RNF123: variants seen among roughly 807,000 people sequenced by gnomAD.
RNF123 encodes the protein E3 ubiquitin-protein ligase RNF123.
RNF123 carries 86 observed loss-of-function variants against 168.5 expected under a neutral mutation model. The ratio of observed to expected loss-of-function variants is 0.51; its 90% CI spans 0.43 to 0.61. The LOEUF is 0.61. Ranked by LOEUF, RNF123 falls within the 20% of genes least tolerant of loss-of-function variation. RNF123 has a pLI of 0.00. For synonymous variants in RNF123, 666 were observed against 689.1 expected, an observed-to-expected ratio of 0.97 and a Z score of 0.52; for missense variants, 1,419 against 1,729.7, an observed-to-expected ratio of 0.82 and a Z score of 3.19.
intron 25 of RNF123, 103 bp from the exon 26 acceptor site, chr3:49,706,688 T>A (rs1268051989): frequency 1.8e-5 from 18 of 977,380 alleles, no homozygotes; most frequent in Middle Eastern, 2.1e-4. Context: ...ATCCCTTGCC[T>A]GCTCCAGGCA....
At chr3:49,702,851 C>A in intron 20 of RNF123, 98 bp downstream of exon 20, 2 of 1,556,892 alleles carry the variant, frequency 1.3e-6, no homozygotes, top group South Asian at 1.2e-5. Context: ...AGGCTGTGGG[C>A]TGTGGGGAGT....
chr3:49,694,569 G>C (rs1439293208), intron 3 of RNF123, among the ~76,000 whole-genome samples: 1 of 152,222 alleles, frequency 6.6e-6, no homozygotes, highest in Non-Finnish European at 1.5e-5. Context: ...ACTGTTGCCA[G>C]ATTACTTCTT....
intron 26 of RNF123, among the ~76,000 whole-genome samples, chr3:49,710,019 T>G (rs751444315): frequency 2.0e-5 from 3 of 151,792 alleles, no homozygotes; most frequent in Non-Finnish European, 4.4e-5. Context: ...TTTTTTTTCT[T>G]GGTAGACGCA....
At chr3:49,716,327 G>A in intron 34 of RNF123, 66 bp from the exon 35 acceptor site, 2 of 1,567,734 alleles carry the variant, frequency 1.3e-6, no homozygotes, top group Non-Finnish European at 8.8e-7. Flanking sequence ...AGGGCAGTGG[G>A]CAGGCCTGGA....
chr3:49,689,587 C>G lies in RNF123; in HGVS notation c.-56C>G, dbSNP rs1350598721. ...GTTGGGCGGATGTTGTGAGCCGGGT[C>G]GCTGCGGCCGAGGCTCCGGGTGAGT... is the stretch of plus-strand genomic sequence containing the variant. On this transcript the variant is annotated 5_prime_UTR_variant, in exon 1 of 39. Coordinates refer to ENST00000327697, the MANE Select transcript of RNF123 (RefSeq NM_022064.5). The G allele has an allele frequency of 2.0e-5, 3 of 152,530 alleles. No individual in the cohort carries two copies. The highest frequency in any genetic ancestry group is 4.8e-5 in the African/African-American group (2 of 41,472). The allele number at this position is 152,530 out of a possible 1,614,324, so 9.4% of individuals were successfully genotyped here. A position where few individuals can be genotyped will look rare whatever the true frequency, so the allele number is the denominator to read the frequency against.
At chr3:49,692,623 C>G (rs1259498147) in intron 3 of RNF123, among the ~76,000 whole-genome samples, 6 of 152,218 alleles carry the variant, frequency 3.9e-5, no homozygotes, top group Non-Finnish European at 8.8e-5. Flanking sequence ...CCCACAAGCC[C>G]TATACTACCC....
intron 27 of RNF123, 84 bp from the exon 28 acceptor site, chr3:49,713,429 T>TA: frequency 7.4e-7 from 1 of 1,352,680 alleles, no homozygotes. Flanking sequence ...TAGAGCCTGC[T>TA]ACCCAAGTCC....
chr3:49,718,731 A>G, intron 35 of RNF123: 11 of 1,613,038 alleles, frequency 6.8e-6, no homozygotes, highest in Non-Finnish European at 8.5e-6. Context: ...ACTCGCGCGC[A>G]AAGTCGCGCA....
At chr3:49,697,037 G>T in intron 3 of RNF123, 106 bp from the exon 4 acceptor site, 1 of 933,030 alleles carries the variant, frequency 1.1e-6, no homozygotes, top group South Asian at 1.4e-5. Flanking sequence ...CCTTTTTCTG[G>T]AGTCTAGGCA....
intron 19 of RNF123, 32 bp downstream of exon 19, chr3:49,702,437 TC>T: frequency 6.2e-7 from 1 of 1,611,862 alleles, no homozygotes; most frequent in Non-Finnish European, 8.5e-7. Context: ...CCACTGTGGA[TC>T]CCCGGCTGCA....
chr3:49,702,123 G>A lies in RNF123; in HGVS notation c.1536G>A (p.Leu512=), dbSNP rs1296132711. ...ELQVQILKLL[L]DNKDDNGGEA... is the part of the protein sequence containing the mutation. ...AGGTCCAGATCCTGAAGCTGCTGCT[G>A]GACAATAAAGATGACAATGGGGTGA... Residue 512 remains leucine, a synonymous_variant, in exon 18 of 39, where the codon CTG becomes CTA. Coordinates refer to ENST00000327697, the MANE Select transcript of RNF123 (RefSeq NM_022064.5). 1.9e-6 allele frequency: 3 copies of A among 1,614,018 alleles called. No individual in the cohort carries two copies. The highest frequency in any genetic ancestry group is 1.7e-5 in the Admixed American group (1 of 59,998).
At chr3:49,701,986 T>C in intron 17 of RNF123, 76 bp downstream of exon 17, 2 of 1,545,582 alleles carry the variant, frequency 1.3e-6, no homozygotes, top group South Asian at 2.3e-5. Context: ...TGCCCATGTC[T>C]AGGTGGGACT....
rs2054323704 is a variant in RNF123 at position 49,699,033 on chromosome 3, T to C, written c.692T>C (p.Met231Thr). ...GAGAACCTGTCCAGGGGCCTGGGTA[T>C]GGCCTACTTCCCAGCCATCAGCCTC... ...AFENLSRGLG[M>T]AYFPAISLSF... The change falls in exon 10 of 39, where the codon ATG (methionine) becomes ACG (threonine). Residue 231 changes from methionine to threonine, a missense_variant. Met to Thr is a moderately conservative substitution (Grantham distance 81). Transcript: ENST00000327697. The surrounding 1 kb of genome is among the most constrained non-coding windows in gnomAD (Gnocchi z 4.8). 1 of 1,613,862 alleles carries C rather than the reference T, an allele frequency of 6.2e-7. No homozygotes were observed. Among genetic ancestry groups the C allele is most frequent in the Non-Finnish European group, 8.5e-7 (1 of 1,180,046 alleles).
Position 49,701,870 on chromosome 3 carries a change from C to T in RNF123, c.1455C>T (p.Ala485=). 3.8e-6 allele frequency: 6 copies of T among 1,568,618 alleles called. No homozygotes were observed. Among genetic ancestry groups the T allele is most frequent in the Non-Finnish European group, 5.2e-6 (6 of 1,157,088 alleles). Residue 485 remains alanine (A), a synonymous_variant, in exon 17 of 39, where the codon GCC becomes GCT. Transcript: ENST00000327697. The stretch of plus-strand genomic sequence containing the variant: ...CAGAGGAGCGGCTGCGGCGGCGAGC[C>T]TACGAACGGGGCTGTCAGCGGCTCA... The part of the protein sequence containing the change: ...ETAEERLRRR[A]YERGCQRLRK...
chr3:49,692,724 T>C (rs1180634559), intron 3 of RNF123, among the ~76,000 whole-genome samples: 2 of 152,254 alleles, frequency 1.3e-5, no homozygotes, highest in Non-Finnish European at 2.9e-5. Flanking sequence ...TAACATGCAA[T>C]GTTTGTCTTT....
At chr3:49,717,871 C>G in intron 35 of RNF123, 1 of 1,467,274 alleles carries the variant, frequency 6.8e-7, no homozygotes, top group Non-Finnish European at 9.2e-7. Flanking sequence ...CCACCAGTAT[C>G]TGCCAGTTCT....
chr3:49,695,156 G>C (rs1302596791), intron 3 of RNF123, among the ~76,000 whole-genome samples: 1 of 152,138 alleles, frequency 6.6e-6, no homozygotes, highest in Non-Finnish European at 1.5e-5. Context: ...ACAGGGTCTC[G>C]CTATGTCACA....
Position 49,714,221 on chromosome 3 carries a change from C to G in RNF123, c.3010+47C>G, listed in dbSNP as rs372834895. On this transcript the variant is annotated intron_variant, in intron 31 of 38. Transcript: ENST00000327697. The stretch of plus-strand genomic sequence containing the variant: ...GTCCTGGGCAAGGCAGGCGGGGGCG[C>G]TTACCTCCTACCCATGGGTTCTTTC... 19 of 1,542,412 alleles carry G rather than the reference C, an allele frequency of 1.2e-5. No homozygotes were observed. In the African/African-American group the frequency reaches 2.6e-4, roughly 21 times the overall value.
chr3:49,707,966 CTGTGTTTTTTTTGTTTTGTTTTGTTT>C (rs1473380765), intron 26 of RNF123, among the ~76,000 whole-genome samples: 1 of 151,930 alleles, frequency 6.6e-6, no homozygotes, highest in African/African-American at 2.4e-5. Flanking sequence ...ACCATCCTAG[CTGTGTTTTTTTTGTTTTGTTTTGTTT>C]TGTGTTTTTT....
Sources: allele counts gnomAD v4.1 joint callset (sites outside exome capture counted in the v4.1 genomes callset), GRCh38; gene constraint gnomAD v4.1.1; non-coding constraint Gnocchi (gnomAD v3.1); transcripts MANE v1.5; gene names NCBI Gene and HGNC (gene_info 2026-07-23, HGNC 2026-07-21).